The following CHD5 variants were observed in gnomAD, a reference collection of about 807,000 sequenced individuals.
The protein encoded by CHD5 is ATP-dependent chromatin remodeler CHD5.
Under a neutral mutation model 230.3 loss-of-function variants are expected in CHD5, and 69 were observed. That is an observed-to-expected ratio of 0.30 (90% CI 0.25 to 0.37). The LOEUF (loss-of-function observed/expected upper bound fraction) is 0.37. CHD5 is among the 10% of genes least tolerant of loss of function. CHD5 has a pLI of 1.00. For synonymous variants in CHD5, 1,064 were observed against 1,065.9 expected (o/e 1.00, Z 0.03); for missense variants, 1,827 against 2,622.8 (o/e 0.70, Z 6.63).
At chr1:6,175,431 G>C (rs1301262376) in intron 1 of CHD5, among the ~76,000 whole-genome samples, 2 of 150,338 alleles carry the variant, frequency 1.3e-5, no homozygotes, top group Non-Finnish European at 3.0e-5. Context: ...GATGACGGGT[G>C]GATAGATGGA....
chr1:6,122,356 A>T (rs573461071), intron 31 of CHD5, among the ~76,000 whole-genome samples: 14 of 152,236 alleles, frequency 9.2e-5, no homozygotes, highest in Non-Finnish European at 2.1e-4. Flanking sequence ...ACATTTCTAC[A>T]AGTCTACAAA....
intron 31 of CHD5, among the ~76,000 whole-genome samples, chr1:6,122,202 A>G (rs1666482871): frequency 6.6e-6 from 1 of 152,212 alleles, no homozygotes; most frequent in Non-Finnish European, 1.5e-5. Context: ...TCACCATGGG[A>G]TAGCTATGTC....
At chr1:6,118,160 G>C (rs1423589502) in intron 33 of CHD5, among the ~76,000 whole-genome samples, 1 of 152,124 alleles carries the variant, frequency 6.6e-6, no homozygotes. Flanking sequence ...AGGATTGCTT[G>C]AGTCCAGGGG....
chr1:6,137,991 T>A (rs1239239952), intron 15 of CHD5, among the ~76,000 whole-genome samples: 1 of 152,174 alleles, frequency 6.6e-6, no homozygotes, highest in Non-Finnish European at 1.5e-5. Context: ...GCACCCGGTC[T>A]ATGCACCAAG....
rs951037768 is a variant in CHD5 at position 6,167,377 on chromosome 1, G to A, written c.207+773C>T. Among the ~76,000 whole-genome samples the A allele has an allele frequency of 6.6e-6, 1 of 152,194 alleles. No individual in the cohort carries two copies. The highest frequency in any genetic ancestry group is 6.5e-5 in the Admixed American group (1 of 15,286). ...CATTGCTCTCAACATAGGGTCGCTT[G>A]GAGGATCAGAGGAGACGCCCAGAAG... On this transcript the variant is annotated intron_variant, in intron 2 of 41. Transcript: ENST00000262450. This position sits in a 1 kb window ranked among gnomAD's most constrained non-coding sequence, Gnocchi z 4.5.
chr1:6,108,212 A>C (rs1666227578), intron 38 of CHD5, among the ~76,000 whole-genome samples: 2 of 135,562 alleles, frequency 1.5e-5, no homozygotes, highest in African/African-American at 5.6e-5. Flanking sequence ...TGGAGGGATG[A>C]TGGAGAGATG....
At chr1:6,165,807 C>T (rs1029908062) in intron 2 of CHD5, among the ~76,000 whole-genome samples, 1 of 152,110 alleles carries the variant, frequency 6.6e-6, no homozygotes, top group Non-Finnish European at 1.5e-5. Flanking sequence ...CCTCTCCTTC[C>T]CTGGGGGAGC....
rs1449312474 is a variant in CHD5, at chr1:6,124,018, G to A, written c.4629C>T (p.Ile1543=). ...GCACTGGTGTGTTGGGGTCCGAGGA[G>A]ATCACCTCGCCCGACTTCTTCCCCT... is the stretch of plus-strand genomic sequence containing the variant. ...GPEGKKSGEV[I]SSDPNTPVPA... Residue 1543 remains isoleucine (I), a synonymous_variant, in exon 31 of 42, where the codon ATC becomes ATT. Transcript: ENST00000262450. 1 of 1,612,916 alleles carries A rather than the reference G, an allele frequency of 6.2e-7. No individual in the cohort carries two copies. The highest frequency in any genetic ancestry group is 8.5e-7 in the Non-Finnish European group (1 of 1,179,696).
In CHD5 at chr1:6,125,301, G is replaced by C; in HGVS notation, c.4261-68C>G. Reference sequence around the variant, plus strand: ...GGGTGGGGGTGGAGGATTCTGGGATGGGGGAAGAAAAGCATGGGAGGAGGA... The same window carrying C: ...GGGTGGGGGTGGAGGATTCTGGGATCGGGGAAGAAAAGCATGGGAGGAGGA... On this transcript the variant is annotated intron_variant, in intron 28 of 41. Transcript: ENST00000262450. This position sits in a 1 kb window ranked among gnomAD's most constrained non-coding sequence, Gnocchi z 6.7. The C allele has an allele frequency of 6.7e-7, 1 of 1,493,180 alleles. No individual in the cohort carries two copies. The highest frequency in any genetic ancestry group is 9.0e-7 in the Non-Finnish European group (1 of 1,109,046). The allele number at this position is 1,493,180 out of a possible 1,614,324, so 92.5% of individuals were successfully genotyped here. A position where few individuals can be genotyped will look rare whatever the true frequency, so the allele number is the denominator to read the frequency against.
intron 1 of CHD5, among the ~76,000 whole-genome samples, chr1:6,172,177 C>G (rs1667348645): frequency 6.6e-6 from 1 of 152,204 alleles, no homozygotes; most frequent in Non-Finnish European, 1.5e-5. Context: ...GAGGTGGGCC[C>G]TTCTCAGGGT....
intron 34 of CHD5, 137 bp from the exon 35 acceptor site, chr1:6,112,414 G>T: frequency 8.8e-7 from 1 of 1,131,244 alleles, no homozygotes; most frequent in Non-Finnish European, 1.3e-6. Flanking sequence ...CTGCCCAGAA[G>T]GGTCTTAAAC....
chr1:6,146,299 T>C lies in CHD5; in HGVS notation c.1715A>G (p.Asp572Gly). The C allele has an allele frequency of 1.2e-6, 2 of 1,613,962 alleles. No individual in the cohort carries two copies. Among genetic ancestry groups the C allele is most frequent in the Non-Finnish European group, 1.7e-6 (2 of 1,179,978 alleles). The change falls in exon 11 of 42, where the codon GAC becomes GGC. Residue 572 changes from aspartate (D) to glycine (G), a missense_variant. Asp to Gly is a moderately conservative substitution (Grantham distance 94, BLOSUM62 -1). Coordinates refer to ENST00000262450, the MANE Select transcript of CHD5 (RefSeq NM_015557.3). This position sits in a 1 kb window ranked among gnomAD's most constrained non-coding sequence, Gnocchi z 5.1. ...DGKSEKRKNK[D>G]PLYAKMEERF... ...CTCCTCCATCTTGGCATAGAGGGGG[T>C]CCTTGTTCTTCCTCTTCTCGCTCTT...
At chr1:6,140,344 G>A (rs1666808700) in intron 15 of CHD5, among the ~76,000 whole-genome samples, 3 of 151,220 alleles carry the variant, frequency 2.0e-5, no homozygotes, top group African/African-American at 7.3e-5. Flanking sequence ...AGGTTGCAGT[G>A]AGCCCAGATC....
intron 18 of CHD5, among the ~76,000 whole-genome samples, 179 bp downstream of exon 18, chr1:6,135,051 C>T (rs548115615): frequency 3.3e-5 from 5 of 152,144 alleles, no homozygotes; most frequent in African/African-American, 4.8e-5. Flanking sequence ...AGCACTCAAG[C>T]GACCCAAACT....
At position 6,121,633 on chromosome 1, in the gene CHD5, G is replaced by A; in HGVS notation, c.4700-60C>T. 7.9e-7 allele frequency: 1 copy of A among 1,272,612 alleles called. No homozygotes were observed. The highest frequency in any genetic ancestry group is 1.1e-6 in the Non-Finnish European group (1 of 891,328). The allele number at this position is 1,272,612 out of a possible 1,614,324, so 78.8% of individuals were successfully genotyped here. ...GCTCAGACGGGAAGGAGTAGGGCAG[G>A]GAGTGGGGTGGCAGAGAGGAGAGAT... On this transcript the variant is annotated intron_variant, in intron 31 of 41. Coordinates refer to ENST00000262450, the MANE Select transcript of CHD5 (RefSeq NM_015557.3). This position sits in a 1 kb window ranked among gnomAD's most constrained non-coding sequence, Gnocchi z 4.5.
rs1048428440 is a variant in CHD5 at position 6,105,559 on chromosome 1, T to C, written c.*47-132A>G. 5.1e-5 allele frequency: 17 copies of C among 336,484 alleles called. No individual in the cohort carries two copies. Among genetic ancestry groups the C allele is most frequent in the African/African-American group, 3.3e-4 (15 of 45,690 alleles). 20.8% of individuals were successfully genotyped at this position (336,484 alleles called of 1,614,324 possible). ...ATCGGGGTGCCCCCCAGCCATGACC[T>C]CCCAGCCACAGGCTGCCGGGCCAGG... On this transcript the variant is annotated intron_variant, in intron 41 of 41. Coordinates refer to ENST00000262450, the MANE Select transcript of CHD5 (RefSeq NM_015557.3). This position sits in a 1 kb window ranked among gnomAD's most constrained non-coding sequence, Gnocchi z 4.8.
Position 6,102,080 on chromosome 1 carries a change from G to A in CHD5, c.*3394C>T, listed in dbSNP as rs914210546. Reference sequence around the variant, plus strand: ...GCCCCCTCTTAGCTGGGCCTGGGCCGGTGGAGTCTGCTCCCTCCACACCCC... The same window carrying A: ...GCCCCCTCTTAGCTGGGCCTGGGCCAGTGGAGTCTGCTCCCTCCACACCCC... On this transcript the variant is annotated 3_prime_UTR_variant, in exon 42 of 42. Coordinates refer to ENST00000262450, the MANE Select transcript of CHD5 (RefSeq NM_015557.3). The A allele has an allele frequency of 1.0e-5, 4 of 388,466 alleles. No individual in the cohort carries two copies. Among genetic ancestry groups the A allele is most frequent in the East Asian group, 1.3e-4 (1 of 7,418 alleles). The allele number at this position is 388,466 out of a possible 1,614,324, so 24.1% of individuals were successfully genotyped here.
Position 6,180,285 on chromosome 1 carries a change from G to C in CHD5, c.-262C>G, listed in dbSNP as rs1233364424. On this transcript the variant is annotated 5_prime_UTR_variant, in exon 1 of 42. Coordinates refer to ENST00000262450, the MANE Select transcript of CHD5 (RefSeq NM_015557.3). ...CGCAGCCCGAGTCCCGCAGCCGGCC[G>C]AGGGTGGCGGCGGCAGCGCCAGAGG... Among the ~76,000 whole-genome samples, 1 of 151,302 alleles carries C rather than the reference G, an allele frequency of 6.6e-6. No homozygotes were observed. Among genetic ancestry groups the C allele is most frequent in the Admixed American group, 6.6e-5 (1 of 15,212 alleles).
At position 6,102,865 on chromosome 1, in the gene CHD5, C is replaced by T. The variant is rs939939390; in HGVS notation, c.*2609G>A. 6.6e-6 allele frequency: 1 copy of T among 152,318 alleles called. No individual in the cohort carries two copies. The highest frequency in any genetic ancestry group is 2.4e-5 in the African/African-American group (1 of 41,408). The allele number at this position is 152,318 out of a possible 1,614,324, so 9.4% of individuals were successfully genotyped here. On this transcript the variant is annotated 3_prime_UTR_variant, in exon 42 of 42. Coordinates refer to ENST00000262450, the MANE Select transcript of CHD5 (RefSeq NM_015557.3). The stretch of plus-strand genomic sequence containing the variant: ...TGTATGAGAGGGCCCTGCAGACGTG[C>T]TCACTCCACCCCGAGTCACCTGAGC...
Sources: gnomAD v4.1 joint callset for allele counts (sites outside exome capture counted in the v4.1 genomes callset) on GRCh38, gnomAD v4.1.1 for gene constraint, Gnocchi (gnomAD v3.1) non-coding constraint, MANE v1.5 for transcripts, NCBI Gene and HGNC (gene_info 2026-07-23, HGNC 2026-07-21) for gene names.